Variants in TFCP2L1 observed in about 807,000 individuals in gnomAD.
TFCP2L1 encodes transcription factor CP2 like 1, also known as transcription factor CP2-like protein 1.
A neutral mutation model predicts 72.2 loss-of-function variants in TFCP2L1; 12 were observed. The observed-to-expected ratio is 0.17, with a 90% confidence interval of 0.11 to 0.27. The LOEUF (loss-of-function observed/expected upper bound fraction) is 0.27. Ranked by LOEUF, TFCP2L1 falls within the 10% of genes least tolerant of loss-of-function variation. TFCP2L1 has a pLI of 1.00. For missense variants in TFCP2L1, 488 were observed against 624.6 expected, an observed-to-expected ratio of 0.78 and a Z score of 2.33; for synonymous variants, 260 against 251.0, an observed-to-expected ratio of 1.04 and a Z score of -0.34.
At chr2:121,284,384 G>A (rs1573405826) in intron 1 of TFCP2L1, among the ~76,000 whole-genome samples, 1 of 152,170 alleles carries the variant, frequency 6.6e-6, no homozygotes, top group Admixed American at 6.5e-5. Context: ...CTGCTAAGAG[G>A]GGCCTGTGGG....
In TFCP2L1 at chr2:121,239,649, A is replaced by T; in HGVS notation, c.769T>A (p.Cys257Ser). 6.2e-7 allele frequency: 1 copy of T among 1,613,766 alleles called. No homozygotes were observed. Among genetic ancestry groups the T allele is most frequent in the East Asian group, 2.2e-5 (1 of 44,872 alleles). ...TAGGCCACGTCGGGCCATGGAGAGCACTGCAGGAGAGAGCACAGGGCGAGC... is the reference window on the plus strand; with the variant it reads ...TAGGCCACGTCGGGCCATGGAGAGCTCTGCAGGAGAGAGCACAGGGCGAGC... ...PSYETTILTE[C>S]SPWPDVAYQV... The change falls in exon 8 of 15, where the codon TGC becomes AGC. Residue 257 changes from cysteine to serine, a missense_variant and splice_region_variant. Coordinates refer to ENST00000263707, the MANE Select transcript of TFCP2L1 (RefSeq NM_014553.3).
At chr2:121,261,703 G>A (rs549399891) in intron 2 of TFCP2L1, among the ~76,000 whole-genome samples, 7 of 152,214 alleles carry the variant, frequency 4.6e-5, no homozygotes, top group East Asian at 1.9e-4. Context: ...GTCCAACAAC[G>A]GATGCTAAAA....
intron 2 of TFCP2L1, among the ~76,000 whole-genome samples, chr2:121,269,918 A>AATATATAT (rs10531350): frequency 1.3e-4 from 15 of 115,130 alleles, no homozygotes; most frequent in South Asian, 6.2e-4. Context: ...AAAAAAAAAA[A>AATATATAT]ATATATATAT....
intron 7 of TFCP2L1, chr2:121,240,429 T>A: frequency 1.0e-6 from 1 of 985,396 alleles, no homozygotes; most frequent in Non-Finnish European, 1.2e-6. Flanking sequence ...TTTGAAGCAT[T>A]CCCGAAGATT....
rs749898348 is a variant in TFCP2L1, at chr2:121,218,130, G to T, written c.*6211C>A. On this transcript the variant is annotated 3_prime_UTR_variant, in exon 15 of 15. Transcript: ENST00000263707. The stretch of plus-strand genomic sequence containing the variant: ...GTAGTCAGCAGACTTTTTCTGTAAC[G>T]GGCTAGACGGTAAATATTTTGGGCT... 1 of 152,154 alleles carries T rather than the reference G, an allele frequency of 6.6e-6. No homozygotes were observed. Among genetic ancestry groups the T allele is most frequent in the African/African-American group, 2.4e-5 (1 of 41,418 alleles). 9.4% of individuals were successfully genotyped at this position (152,154 alleles called of 1,614,324 possible).
intron 6 of TFCP2L1, among the ~76,000 whole-genome samples, chr2:121,244,998 T>C (rs1000951692): frequency 1.3e-5 from 2 of 152,158 alleles, no homozygotes; most frequent in African/African-American, 4.8e-5. Context: ...AGATGGCTGT[T>C]TGCTAATCCC....
chr2:121,279,295 A>C (rs2953083), intron 2 of TFCP2L1, among the ~76,000 whole-genome samples: 68,523 of 152,138 alleles, frequency 0.45, 16,739 homozygotes, highest in Middle Eastern at 0.6. Flanking sequence ...AGTTGGTAGC[A>C]CTTGACCTTC....
At chr2:121,228,534 T>A (rs1423134191) in intron 13 of TFCP2L1, among the ~76,000 whole-genome samples, 4 of 150,336 alleles carry the variant, frequency 2.7e-5, no homozygotes, top group Non-Finnish European at 5.9e-5. Flanking sequence ...CCAAGGCAGG[T>A]GAACTGCTTG....
At chr2:121,239,727 T>A in intron 7 of TFCP2L1, 78 bp from the exon 8 acceptor site, 1 of 1,376,430 alleles carries the variant, frequency 7.3e-7, no homozygotes, top group Non-Finnish European at 1.0e-6. Context: ...CAAGCAGGCA[T>A]GCACTGACAC....
Position 121,242,424 on chromosome 2 carries a change from C to T in TFCP2L1, c.703G>A (p.Glu235Lys). ...RKQKTDREKM[E>K]KRTAQEKEKY... ...TCCTTCTCTTGGGCAGTTCTTTTCTCCATCTTCTCCCGGTCAGTCTTCTGT... is the reference window on the plus strand; with the variant it reads ...TCCTTCTCTTGGGCAGTTCTTTTCTTCATCTTCTCCCGGTCAGTCTTCTGT... Residue 235 changes from glutamate (E) to lysine (K), a missense_variant, in exon 7 of 15, where the codon GAG (glutamate) becomes AAG (lysine). Around this residue, in one of 3 missense-constraint regions of TFCP2L1, gnomAD observed 286 missense variants for 329.0 expected, o/e 0.87. Transcript: ENST00000263707. The T allele has an allele frequency of 1.2e-6, 2 of 1,614,206 alleles. No individual in the cohort carries two copies. The highest frequency in any genetic ancestry group is 1.7e-6 in the Non-Finnish European group (2 of 1,180,048).
chr2:121,239,562 C>G lies in TFCP2L1; in HGVS notation c.856G>C (p.Glu286Gln), dbSNP rs777828678. ...AGAAAGAGAGGTGGGACGTACCCTT[C>G]GCCGAGGCCAAAGCTGTTTGGAGAA... is the stretch of plus-strand genomic sequence containing the variant. ...NGSPNSFGLG[E>Q]GNASPTHPVE... The change falls in exon 8 of 15, where the codon GAA becomes CAA. Residue 286 changes from glutamate to glutamine, a missense_variant. Glu to Gln is a conservative substitution (Grantham distance 29). Around this residue, in one of 3 missense-constraint regions of TFCP2L1, gnomAD observed 286 missense variants for 329.0 expected, o/e 0.87. Coordinates refer to ENST00000263707, the MANE Select transcript of TFCP2L1 (RefSeq NM_014553.3). 1.2e-6 allele frequency: 2 copies of G among 1,614,156 alleles called. No homozygotes were observed. The highest frequency in any genetic ancestry group is 1.7e-6 in the Non-Finnish European group (2 of 1,180,010).
At chr2:121,237,109 A>C (rs1251060882) in intron 10 of TFCP2L1, among the ~76,000 whole-genome samples, 1 of 152,070 alleles carries the variant, frequency 6.6e-6, no homozygotes, top group Admixed American at 6.6e-5. Flanking sequence ...CTCACTGCTC[A>C]GTTCACCTTT....
In TFCP2L1 at chr2:121,221,508, AG is replaced by A. The variant is rs1476224686; in HGVS notation, c.*2832del. On this transcript the variant is annotated 3_prime_UTR_variant, in exon 15 of 15. Coordinates refer to ENST00000263707, the MANE Select transcript of TFCP2L1 (RefSeq NM_014553.3). Reference sequence around the variant, plus strand: ...GATGCCAAGACAATTCCGTGGAGAAAGGATATTTTTCTCAATAATCAGCAGT... The same window carrying A: ...GATGCCAAGACAATTCCGTGGAGAAAGATATTTTTCTCAATAATCAGCAGT... 6.6e-6 allele frequency: 1 copy of A among 152,240 alleles called. No homozygotes were observed. Among genetic ancestry groups the A allele is most frequent in the Non-Finnish European group, 1.5e-5 (1 of 68,046 alleles). The allele number at this position is 152,240 out of a possible 1,614,324, so 9.4% of individuals were successfully genotyped here.
chr2:121,255,504 A>C (rs1446122420), intron 2 of TFCP2L1, among the ~76,000 whole-genome samples: 1 of 152,216 alleles, frequency 6.6e-6, no homozygotes, highest in Admixed American at 6.5e-5. Context: ...AGTCCACTCG[A>C]TAATCCTGTA....
intron 7 of TFCP2L1, among the ~76,000 whole-genome samples, chr2:121,241,761 C>A (rs1035027996): frequency 1.3e-5 from 2 of 152,160 alleles, no homozygotes; most frequent in African/African-American, 4.8e-5. Context: ...CCAGAAACAA[C>A]CCCGCATCCA....
chr2:121,224,010 G>A lies in TFCP2L1; in HGVS notation c.*331C>T. The A allele has an allele frequency of 2.8e-6, 1 of 361,294 alleles. No homozygotes were observed. Among genetic ancestry groups the A allele is most frequent in the Non-Finnish European group, 5.1e-6 (1 of 195,626 alleles). The allele number at this position is 361,294 out of a possible 1,614,324, so 22.4% of individuals were successfully genotyped here. A position where few individuals can be genotyped will look rare whatever the true frequency, so the allele number is the denominator to read the frequency against. On this transcript the variant is annotated 3_prime_UTR_variant, in exon 15 of 15. Coordinates refer to ENST00000263707, the MANE Select transcript of TFCP2L1 (RefSeq NM_014553.3). ...CAGGCAGCACCAAGATACCCAATCA[G>A]CTTCCAACTAAGGGATGAGGGATTT... is the stretch of plus-strand genomic sequence containing the variant.
chr2:121,244,204 G>A (rs1573371071), intron 6 of TFCP2L1, among the ~76,000 whole-genome samples: 2 of 152,328 alleles, frequency 1.3e-5, no homozygotes, highest in South Asian at 4.1e-4. Context: ...TGCAGGGCAC[G>A]CACTGGGCCT....
chr2:121,250,732 G>C (rs1038672655), intron 2 of TFCP2L1, among the ~76,000 whole-genome samples: 1 of 150,684 alleles, frequency 6.6e-6, no homozygotes, highest in African/African-American at 2.4e-5. Context: ...TCAGCCTCCT[G>C]AGTAGCTGAG....
At chr2:121,257,215 C>G (rs1166359340) in intron 2 of TFCP2L1, among the ~76,000 whole-genome samples, 1 of 152,130 alleles carries the variant, frequency 6.6e-6, no homozygotes, top group Admixed American at 6.5e-5. Flanking sequence ...TGGGGAGGCA[C>G]AGTGACAGGC....
Sources: allele counts gnomAD v4.1 joint callset (sites outside exome capture counted in the v4.1 genomes callset), GRCh38; gene constraint gnomAD v4.1.1; regional missense constraint gnomAD v4.1.1; transcripts MANE v1.5; gene names NCBI Gene and HGNC (gene_info 2026-07-23, HGNC 2026-07-21).